Variants in SPDYE3 observed in about 807,000 individuals in gnomAD.
The protein encoded by SPDYE3 is speedy/RINGO cell cycle regulator family member E3.
A neutral mutation model predicts 55.0 loss-of-function variants in SPDYE3; 15 were observed. The observed-to-expected ratio is 0.27, with a 90% confidence interval of 0.18 to 0.42. The LOEUF (loss-of-function observed/expected upper bound fraction) is 0.42. Ranked by LOEUF, SPDYE3 falls within the 10% of genes least tolerant of loss-of-function variation. The pLI is 1.00. For synonymous variants in SPDYE3, 89 were observed against 229.9 expected, an observed-to-expected ratio of 0.39 and a Z score of 5.55; for missense variants, 236 against 576.7, an observed-to-expected ratio of 0.41 and a Z score of 6.05.
At chr7:100,312,650 G>A (rs1429967672) in intron 4 of SPDYE3, among the ~76,000 whole-genome samples, 20 of 138,694 alleles carry the variant, frequency 1.4e-4, no homozygotes, top group African/African-American at 4.3e-4. Flanking sequence ...CAAGGCAGGC[G>A]GATCACGTGA....
intron 10 of SPDYE3, 141 bp downstream of exon 10, chr7:100,320,176 G>A: frequency 6.8e-7 from 1 of 1,473,484 alleles, no homozygotes; most frequent in East Asian, 2.5e-5. Flanking sequence ...AAATTAGCCA[G>A]GCGATGTGGG....
At chr7:100,312,345 G>A (rs1357727227) in intron 4 of SPDYE3, among the ~76,000 whole-genome samples, 81 of 149,088 alleles carry the variant, frequency 5.4e-4, no homozygotes, top group Admixed American at 9.3e-4. Context: ...CAAAAGAAAA[G>A]CCAAGGCTGG....
rs1324123717 is a variant in SPDYE3, at chr7:100,321,558, T to C, written c.*713T>C. On this transcript the variant is annotated 3_prime_UTR_variant, in exon 11 of 11. Transcript: ENST00000332397. ...TTAAATTTTTCTCTGTATTATTATA[T>C]GTGCTCCTGAAGCGAGCACTCTTTT... is the stretch of plus-strand genomic sequence containing the variant. 1 of 157,772 alleles carries C rather than the reference T, an allele frequency of 6.3e-6. No homozygotes were observed. The highest frequency in any genetic ancestry group is 1.4e-5 in the Non-Finnish European group (1 of 71,878). The allele number at this position is 157,772 out of a possible 1,614,324, so 9.8% of individuals were successfully genotyped here. A position where few individuals can be genotyped will look rare whatever the true frequency, so the allele number is the denominator to read the frequency against.
At chr7:100,308,040 A>C in intron 1 of SPDYE3, 49 bp downstream of exon 1, 1 of 1,512,020 alleles carries the variant, frequency 6.6e-7, no homozygotes, top group Non-Finnish European at 8.8e-7. Context: ...ACTAAGACGA[A>C]GGAAGGGGGC....
intron 10 of SPDYE3, chr7:100,320,259 A>C (rs1384115539): frequency 1.2e-5 from 14 of 1,144,508 alleles, no homozygotes; most frequent in African/African-American, 4.7e-5. Flanking sequence ...TCGGGGCTGC[A>C]GGGAGCCCTG....
chr7:100,320,319 A>G, intron 10 of SPDYE3: 3 of 1,104,850 alleles, frequency 2.7e-6, no homozygotes, highest in Non-Finnish European at 3.6e-6. Context: ...CCCTGCCTCA[A>G]AAATAATCAT....
chr7:100,320,576 A>G (rs1563095786), intron 10 of SPDYE3: 1 of 982,596 alleles, frequency 1.0e-6, no homozygotes, highest in Non-Finnish European at 1.3e-6. Context: ...AAAAGACCCT[A>G]GCTGTGATGA....
chr7:100,320,020 A>C lies in SPDYE3; in HGVS notation c.*30A>C. 1.9e-6 allele frequency: 3 copies of C among 1,606,232 alleles called. No individual in the cohort carries two copies. In the South Asian group the frequency reaches 3.3e-5, roughly 18 times the overall value. On this transcript the variant is annotated 3_prime_UTR_variant, in exon 10 of 11. Transcript: ENST00000332397. ...CCAGGGACCGTGGAGGCCTGAGGTC[A>C]TCGGCCTGAGAGAAGGTACATCTGC...
At chr7:100,317,300 C>T in intron 8 of SPDYE3, 145 bp downstream of exon 8, 2 of 1,505,070 alleles carry the variant, frequency 1.3e-6, no homozygotes, top group Non-Finnish European at 1.8e-6. Flanking sequence ...GTATCTTAGA[C>T]TGTTGTCTCT....
intron 6 of SPDYE3, among the ~76,000 whole-genome samples, chr7:100,315,438 TG>T (rs1806079158): frequency 6.6e-6 from 1 of 152,208 alleles, no homozygotes; most frequent in Non-Finnish European, 1.5e-5. Flanking sequence ...ACCAAGGCCA[TG>T]GTCACACCCT....
intron 10 of SPDYE3, chr7:100,320,648 G>A (rs1789561729): frequency 1.9e-6 from 2 of 1,054,594 alleles, no homozygotes; most frequent in Non-Finnish European, 1.2e-6. Context: ...CAAAGTCCTC[G>A]CTATGAAGCA....
chr7:100,320,466 G>A, intron 10 of SPDYE3: 1 of 1,002,486 alleles, frequency 1.0e-6, no homozygotes, highest in Non-Finnish European at 1.3e-6. Context: ...TCGTCATGAG[G>A]AGGTAGGATT....
chr7:100,315,386 T>G (rs1368170305), intron 6 of SPDYE3, among the ~76,000 whole-genome samples: 1 of 152,238 alleles, frequency 6.6e-6, no homozygotes, highest in Non-Finnish European at 1.5e-5. Context: ...TGTTTCTTAC[T>G]GACTTTTCTA....
intron 1 of SPDYE3, among the ~76,000 whole-genome samples, chr7:100,308,309 T>G (rs1243466918): frequency 6.5e-5 from 8 of 122,408 alleles, no homozygotes; most frequent in Non-Finnish European, 3.3e-5. Flanking sequence ...CCAGTCTGGG[T>G]GAGAGAGTGA....
rs771012048 is a variant in SPDYE3, at chr7:100,307,981, G to A, written c.96G>A (p.Ser32=). ...AGGAGGTGGTGGATGATGAAGTGTC[G>A]GGACCATCAGGTGAGGGGACTGGAG... ...PLQEVVDDEV[S]GPSAPGVDPS... Residue 32 remains serine (S), a synonymous_variant, in exon 1 of 11, where the codon TCG becomes TCA. Transcript: ENST00000332397. 37 of 1,554,322 alleles carry A rather than the reference G, an allele frequency of 2.4e-5. No individual in the cohort carries two copies. In the East Asian group the frequency reaches 3.5e-4, roughly 15 times the overall value.
At chr7:100,320,811 G>C in intron 10 of SPDYE3, 80 bp from the exon 11 acceptor site, 1 of 1,097,382 alleles carries the variant, frequency 9.1e-7, no homozygotes, top group South Asian at 1.5e-5. Context: ...ACTCTAGCTA[G>C]ACTTGACATG....
chr7:100,307,711 C>A lies in SPDYE3; in HGVS notation c.-175C>A. 1 of 1,386,530 alleles carries A rather than the reference C, an allele frequency of 7.2e-7. No homozygotes were observed. Among genetic ancestry groups the A allele is most frequent in the Non-Finnish European group, 9.5e-7 (1 of 1,055,258 alleles). The allele number at this position is 1,386,530 out of a possible 1,614,324, so 85.9% of individuals were successfully genotyped here. On this transcript the variant is annotated 5_prime_UTR_variant, in exon 1 of 11. Coordinates refer to ENST00000332397, the MANE Select transcript of SPDYE3 (RefSeq NM_001004351.5). ...GATTGGAAGGACCGGACTCTGTCGG[C>A]GCCTGGCAGTTCAGGTGAACAACAG...
intron 8 of SPDYE3, among the ~76,000 whole-genome samples, chr7:100,318,273 A>C (rs1806158096): frequency 6.6e-6 from 1 of 152,108 alleles, no homozygotes; most frequent in South Asian, 2.1e-4. Context: ...GTGCAGCCTG[A>C]ACATCTTTCC....
chr7:100,316,235 T>C (rs1474418129), intron 7 of SPDYE3, among the ~76,000 whole-genome samples: 1 of 152,180 alleles, frequency 6.6e-6, no homozygotes, highest in Non-Finnish European at 1.5e-5. Flanking sequence ...CCTCCCAAAG[T>C]GCTGAGATTA....
Sources: gnomAD v4.1 joint callset for allele counts (sites outside exome capture counted in the v4.1 genomes callset) on GRCh38, gnomAD v4.1.1 for gene constraint, MANE v1.5 for transcripts, NCBI Gene and HGNC (gene_info 2026-07-23, HGNC 2026-07-21) for gene names.